Variants in TMEM132C observed in about 807,000 individuals in gnomAD.
TMEM132C encodes protein phosphatase 1, regulatory subunit 152.
In TMEM132C, 29 loss-of-function variants were observed where a neutral mutation model predicts 61.4. The observed-to-expected ratio is 0.47, with a 90% CI of 0.35 to 0.64. TMEM132C has a LOEUF of 0.64. Among genes scored for constraint, TMEM132C ranks in the 30% least tolerant of loss-of-function variants. The pLI, the probability that TMEM132C is intolerant of heterozygous loss-of-function variation, is 0.00. For synonymous variants in TMEM132C, 656 were observed against 633.1 expected (o/e 1.04, Z -0.54); for missense variants, 1,408 against 1,476.9 (o/e 0.95, Z 0.76).
chr12:128,440,196 AG>A lies in TMEM132C; in HGVS notation c.974+24578del, dbSNP rs368825124. On this transcript the variant is annotated intron_variant, in intron 2 of 8. Coordinates refer to ENST00000435159, the MANE Select transcript of TMEM132C (RefSeq NM_001136103.3). ...GAGTCAGGTGCTAACTCCAACTCAA[AG>A]GTCACAACTAGTGGCTTCTGGCTAT... Among the ~76,000 whole-genome samples the A allele has an allele frequency of 9.8e-4, 150 of 152,324 alleles. 1 individual carries two copies. Among genetic ancestry groups the A allele is most frequent in the African/African-American group, 3.4e-3 (141 of 41,574 alleles).
intron 1 of TMEM132C, among the ~76,000 whole-genome samples, chr12:128,338,777 T>TATATATATATATATA (rs1565905368): frequency 6.7e-5 from 10 of 149,140 alleles, no homozygotes; most frequent in African/African-American, 2.3e-4. Flanking sequence ...TATATATATA[T>TATATATATATATATA]TTTGCACAAA....
intron 3 of TMEM132C, among the ~76,000 whole-genome samples, chr12:128,546,358 T>C (rs564782351): frequency 1.3e-5 from 2 of 152,320 alleles, no homozygotes; most frequent in South Asian, 4.1e-4. Context: ...AATGTGTTCA[T>C]TAGCAGGTGG....
At chr12:128,508,484 C>T (rs143079027) in intron 2 of TMEM132C, among the ~76,000 whole-genome samples, 22 of 152,270 alleles carry the variant, frequency 1.4e-4, no homozygotes, top group Non-Finnish European at 2.6e-4. Context: ...TGCAGGGAGG[C>T]GGAGTGGGGA....
At chr12:128,406,858 C>T (rs184408456) in intron 1 of TMEM132C, among the ~76,000 whole-genome samples, 14 of 152,290 alleles carry the variant, frequency 9.2e-5, no homozygotes, top group Non-Finnish European at 2.1e-4. Flanking sequence ...ACATCTAGAA[C>T]CACACAGCCA....
At position 128,357,707 on chromosome 12, in the gene TMEM132C, A is replaced by AAAG. The variant is rs970441545; in HGVS notation, c.86-57023_86-57022insGAA. Among the ~76,000 whole-genome samples the AAAG allele has an allele frequency of 1.1e-4, 16 of 149,692 alleles. No individual in the cohort carries two copies. The East Asian group carries it at 2.9e-3, about 27-fold the overall frequency. ...GACTCCGTCTCAAAAAAAAAAAAAAAAAAGAAAAAGAAGGAGCCCAAAGAA... is the reference window on the plus strand; with the variant it reads ...GACTCCGTCTCAAAAAAAAAAAAAAAAAGAAAGAAAAAGAAGGAGCCCAAAGAA... On this transcript the variant is annotated intron_variant, in intron 1 of 8. Coordinates refer to ENST00000435159, the MANE Select transcript of TMEM132C (RefSeq NM_001136103.3).
At chr12:128,377,989 G>A (rs1455830361) in intron 1 of TMEM132C, among the ~76,000 whole-genome samples, 1 of 152,134 alleles carries the variant, frequency 6.6e-6, no homozygotes, top group Non-Finnish European at 1.5e-5. Flanking sequence ...ATCCAGAATC[G>A]GTCCTGCTAC....
At chr12:128,269,419 A>C (rs531159271) in intron 1 of TMEM132C, among the ~76,000 whole-genome samples, 1 of 149,880 alleles carries the variant, frequency 6.7e-6, no homozygotes, top group South Asian at 2.1e-4. Context: ...TGGCTGTTAC[A>C]GATGTCCATG....
chr12:128,478,109 C>T (rs1871209730), intron 2 of TMEM132C, among the ~76,000 whole-genome samples: 1 of 152,128 alleles, frequency 6.6e-6, no homozygotes, highest in African/African-American at 2.4e-5. Flanking sequence ...GCAAACTCTG[C>T]CAAAACCCAA....
intron 2 of TMEM132C, among the ~76,000 whole-genome samples, chr12:128,463,273 CA>C (rs1046142105): frequency 8.5e-5 from 13 of 152,134 alleles, no homozygotes; most frequent in South Asian, 2.1e-4. Flanking sequence ...CTTCTTTCAG[CA>C]TCTATGATGG....
At chr12:128,373,367 C>T (rs1409942599) in intron 1 of TMEM132C, among the ~76,000 whole-genome samples, 3 of 152,164 alleles carry the variant, frequency 2.0e-5, no homozygotes, top group Admixed American at 2.0e-4. Flanking sequence ...ATTGCCTCTA[C>T]CTTCAAGGTA....
At position 128,544,054 on chromosome 12, in the gene TMEM132C, G is replaced by A. The variant is rs756121286; in HGVS notation, c.1072G>A (p.Val358Met). 13 of 1,546,690 alleles carry A rather than the reference G, an allele frequency of 8.4e-6. No individual in the cohort carries two copies. Among genetic ancestry groups the A allele is most frequent in the South Asian group, 6.0e-5 (5 of 83,038 alleles). ...GGAGGTGGGCAGCGGCGGAAAGCAC[G>A]TGACGGCCACCGTGGCCTGCCAGCG... ...KQEVGSGGKH[V>M]TATVACQRLG... The change falls in exon 3 of 9, where the codon GTG (valine) becomes ATG (methionine). Residue 358 changes from valine (V) to methionine (M), a missense_variant. Transcript: ENST00000435159.
chr12:128,534,771 G>A (rs532973761), intron 2 of TMEM132C, among the ~76,000 whole-genome samples: 1 of 152,318 alleles, frequency 6.6e-6, no homozygotes, highest in East Asian at 1.9e-4. Flanking sequence ...CGAAGAAAAT[G>A]CCCGATTAAC....
intron 5 of TMEM132C, among the ~76,000 whole-genome samples, chr12:128,687,507 T>C (rs1954687036): frequency 6.6e-6 from 1 of 152,032 alleles, no homozygotes; most frequent in South Asian, 2.1e-4. Context: ...CTGAAGGACA[T>C]GAAGAACAAA....
At chr12:128,624,622 G>A (rs73161928) in intron 4 of TMEM132C, among the ~76,000 whole-genome samples, 4,882 of 149,684 alleles carry the variant, frequency 0.033, 146 homozygotes, top group South Asian at 0.13. Flanking sequence ...ACTGTACTCA[G>A]AAACCTTTGC....
intron 3 of TMEM132C, among the ~76,000 whole-genome samples, chr12:128,587,818 G>GA (rs1033673600): frequency 6.6e-6 from 1 of 152,004 alleles, no homozygotes; most frequent in African/African-American, 2.4e-5. Context: ...TAAGTTTGAG[G>GA]AAAAAAAGTG....
intron 4 of TMEM132C, among the ~76,000 whole-genome samples, chr12:128,651,966 T>C (rs944958898): frequency 3.3e-5 from 5 of 152,178 alleles, no homozygotes; most frequent in African/African-American, 7.2e-5. Context: ...CCTGGTCTCA[T>C]TGAAGTTTTA....
intron 1 of TMEM132C, among the ~76,000 whole-genome samples, chr12:128,329,921 G>A (rs775684675): frequency 6.6e-6 from 1 of 152,216 alleles, no homozygotes. Context: ...AAATACGGCT[G>A]CGAGGAAGTT....
chr12:128,554,173 G>T (rs1874261572), intron 3 of TMEM132C, among the ~76,000 whole-genome samples: 1 of 152,236 alleles, frequency 6.6e-6, no homozygotes, highest in Non-Finnish European at 1.5e-5. Context: ...ATGCTGAGAG[G>T]CTGCAAAGCT....
chr12:128,330,830 C>T (rs1333222435), intron 1 of TMEM132C, among the ~76,000 whole-genome samples: 1 of 152,088 alleles, frequency 6.6e-6, no homozygotes, highest in East Asian at 1.9e-4. Context: ...CTGTTAGAAA[C>T]ATCAGATTTT....
Sources: gnomAD v4.1 joint callset for allele counts (sites outside exome capture counted in the v4.1 genomes callset) on GRCh38, gnomAD v4.1.1 for gene constraint, MANE v1.5 for transcripts, NCBI Gene and HGNC (gene_info 2026-07-23, HGNC 2026-07-21) for gene names.